Variants in OSBPL6 observed in about 807,000 individuals in gnomAD.
The protein encoded by OSBPL6 is oxysterol-binding protein-related protein 6.
A neutral mutation model predicts 125.8 loss-of-function variants in OSBPL6; 49 were observed. The observed-to-expected ratio is 0.39, with a 90% CI of 0.31 to 0.49. The LOEUF (loss-of-function observed/expected upper bound fraction) is 0.49. OSBPL6 is among the 20% of genes least tolerant of loss of function. The pLI is 0.88. For missense variants in OSBPL6, 986 were observed against 1,135.4 expected, an observed-to-expected ratio of 0.87 and a Z score of 1.89; for synonymous variants, 394 against 391.8, an observed-to-expected ratio of 1.01 and a Z score of -0.07.
At chr2:178,360,809 G>C (rs758084670) in intron 12 of OSBPL6, among the ~76,000 whole-genome samples, 17 of 152,276 alleles carry the variant, frequency 1.1e-4, no homozygotes, top group Middle Eastern at 6.8e-3. Flanking sequence ...TAAATCAATA[G>C]ATCGTGAATC....
intron 4 of OSBPL6, among the ~76,000 whole-genome samples, chr2:178,325,272 A>G (rs1460708116): frequency 1.3e-5 from 2 of 152,348 alleles, no homozygotes; most frequent in East Asian, 3.9e-4. Flanking sequence ...GTTAACTTCT[A>G]AATATGTAAA....
rs1575071340 is a variant in OSBPL6, at chr2:178,402,359, A to C, written c.*6800A>C. ...AGTTTACTCTTCAAAGCCAAGAATC[A>C]GTACCCCCACCTCACCTTCCATTCT... On this transcript the variant is annotated 3_prime_UTR_variant, in exon 25 of 25. Transcript: ENST00000190611. 1 of 152,232 alleles carries C rather than the reference A, an allele frequency of 6.6e-6. No homozygotes were observed. Among genetic ancestry groups the C allele is most frequent in the Non-Finnish European group, 1.5e-5 (1 of 68,072 alleles). 9.4% of individuals were successfully genotyped at this position (152,232 alleles called of 1,614,324 possible). A position where few individuals can be genotyped will look rare whatever the true frequency, so the allele number is the denominator to read the frequency against.
At chr2:178,366,717 C>A (rs374556056) in intron 13 of OSBPL6, among the ~76,000 whole-genome samples, 1 of 152,156 alleles carries the variant, frequency 6.6e-6, no homozygotes, top group Non-Finnish European at 1.5e-5. Context: ...ATTTCACATA[C>A]CCAAATAATT....
rs1695873896 is a variant in OSBPL6, at chr2:178,396,846, C to T, written c.*1287C>T. ...GCATACTTCAGGATTTGTTTTTCCTCCACTAATATACAGAGGCTTTTGCAG... is the reference window on the plus strand; with the variant it reads ...GCATACTTCAGGATTTGTTTTTCCTTCACTAATATACAGAGGCTTTTGCAG... On this transcript the variant is annotated 3_prime_UTR_variant, in exon 25 of 25. Coordinates refer to ENST00000190611, the MANE Select transcript of OSBPL6 (RefSeq NM_032523.4). The T allele has an allele frequency of 6.6e-6, 1 of 152,208 alleles. No individual in the cohort carries two copies. The highest frequency in any genetic ancestry group is 2.4e-5 in the African/African-American group (1 of 41,460). 9.4% of individuals were successfully genotyped at this position (152,208 alleles called of 1,614,324 possible). A position where few individuals can be genotyped will look rare whatever the true frequency, so the allele number is the denominator to read the frequency against.
intron 1 of OSBPL6, among the ~76,000 whole-genome samples, chr2:178,273,642 A>G (rs2092414484): frequency 6.6e-6 from 1 of 152,212 alleles, no homozygotes; most frequent in Non-Finnish European, 1.5e-5. Flanking sequence ...TTATGCCATT[A>G]ATAAACAGTA....
intron 1 of OSBPL6, among the ~76,000 whole-genome samples, chr2:178,243,034 A>T (rs1166096964): frequency 3.9e-5 from 6 of 152,010 alleles, no homozygotes; most frequent in Non-Finnish European, 8.8e-5. Flanking sequence ...TCATTTATAA[A>T]ATATAAACAA....
At chr2:178,226,837 A>T (rs1198619399) in intron 1 of OSBPL6, among the ~76,000 whole-genome samples, 1 of 152,224 alleles carries the variant, frequency 6.6e-6, no homozygotes, top group Non-Finnish European at 1.5e-5. Flanking sequence ...AGATTTCTTA[A>T]GGCACAAAAA....
At chr2:178,276,403 C>T (rs1362526874) in intron 1 of OSBPL6, among the ~76,000 whole-genome samples, 111 of 140,008 alleles carry the variant, frequency 7.9e-4, no homozygotes, top group African/African-American at 2.8e-3. Flanking sequence ...GACGGAGTCT[C>T]GCTCTGTCGC....
At chr2:178,271,680 G>A (rs191899155) in intron 1 of OSBPL6, among the ~76,000 whole-genome samples, 74 of 152,144 alleles carry the variant, frequency 4.9e-4, no homozygotes, top group African/African-American at 1.7e-3. Flanking sequence ...TTTTGACCTC[G>A]ATTTGCATGT....
intron 2 of OSBPL6, among the ~76,000 whole-genome samples, chr2:178,298,710 T>TTG (rs966821609): frequency 1.3e-5 from 2 of 151,440 alleles, no homozygotes; most frequent in African/African-American, 4.9e-5. Context: ...TTTTTTGTTT[T>TTG]TTTTTTTTTG....
At chr2:178,311,376 C>A (rs1687255574) in intron 3 of OSBPL6, among the ~76,000 whole-genome samples, 1 of 152,184 alleles carries the variant, frequency 6.6e-6, no homozygotes, top group Non-Finnish European at 1.5e-5. Context: ...CTCTCCTTGT[C>A]CACTTAGCTG....
At chr2:178,294,280 A>G (rs1407031765) in intron 2 of OSBPL6, among the ~76,000 whole-genome samples, 3 of 152,138 alleles carry the variant, frequency 2.0e-5, no homozygotes, top group Non-Finnish European at 2.9e-5. Context: ...AACCTAATTG[A>G]AAAAGGAGGT....
chr2:178,289,014 TTC>T (rs1491075036), intron 2 of OSBPL6, among the ~76,000 whole-genome samples: 8 of 145,716 alleles, frequency 5.5e-5, no homozygotes, highest in Non-Finnish European at 1.1e-4. Flanking sequence ...TTTCTTTTTC[TTC>T]TTTTTTTTTT....
chr2:178,269,033 A>G (rs1256489390), intron 1 of OSBPL6, among the ~76,000 whole-genome samples: 3 of 152,230 alleles, frequency 2.0e-5, no homozygotes, highest in Non-Finnish European at 4.4e-5. Context: ...GGATTGGTCC[A>G]TATTGCTTTG....
chr2:178,225,572 T>G (rs569923000), intron 1 of OSBPL6, among the ~76,000 whole-genome samples: 1 of 152,254 alleles, frequency 6.6e-6, no homozygotes, highest in Non-Finnish European at 1.5e-5. Context: ...GCTGGTGCAT[T>G]AGTTTGTTTC....
rs370186798 is a variant in OSBPL6 at position 178,232,854 on chromosome 2, G to A, written c.-351+38180G>A. Among the ~76,000 whole-genome samples the A allele has an allele frequency of 6.0e-4, 91 of 152,236 alleles. 2 individuals are homozygous for A. In the South Asian group the frequency reaches 0.011, roughly 18 times the overall value. On this transcript the variant is annotated intron_variant, in intron 1 of 24. Coordinates refer to ENST00000190611, the MANE Select transcript of OSBPL6 (RefSeq NM_032523.4). ...TACCTTTCCATTCTGTGTAGTGGGGGTAGGACCTGTTACTGGGCCTCAGAT... is the reference window on the plus strand; with the variant it reads ...TACCTTTCCATTCTGTGTAGTGGGGATAGGACCTGTTACTGGGCCTCAGAT...
chr2:178,336,009 C>T (rs985740883), intron 8 of OSBPL6, among the ~76,000 whole-genome samples: 1 of 152,110 alleles, frequency 6.6e-6, no homozygotes, highest in East Asian at 1.9e-4. Flanking sequence ...ATTTACTCAG[C>T]GATTAAAAAT....
At position 178,361,685 on chromosome 2, in the gene OSBPL6, A is replaced by G. The variant is rs1692374213; in HGVS notation, c.1157A>G (p.His386Arg). The change falls in exon 13 of 25, where the codon CAT becomes CGT. Residue 386 changes from histidine to arginine, a missense_variant. His to Arg is a conservative substitution (Grantham distance 29). Coordinates refer to ENST00000190611, the MANE Select transcript of OSBPL6 (RefSeq NM_032523.4). ...TCTCACTTTTCTCCCCACCCAGTGC[A>G]TTCTCTTTTGAAGTCTGCATTTAAT... is the stretch of plus-strand genomic sequence containing the variant. ...EEFCLIAQKV[H>R]SLLKSAFNSI... The G allele has an allele frequency of 2.5e-6, 4 of 1,613,738 alleles. No individual in the cohort carries two copies. Among genetic ancestry groups the G allele is most frequent in the Admixed American group, 1.7e-5 (1 of 59,966 alleles).
intron 2 of OSBPL6, among the ~76,000 whole-genome samples, chr2:178,294,020 G>T (rs766000283): frequency 6.6e-5 from 10 of 151,966 alleles, no homozygotes; most frequent in Non-Finnish European, 1.5e-4. Context: ...AAAATCTTTA[G>T]GATCTAGGAC....
Sources: gnomAD v4.1 joint callset for allele counts (sites outside exome capture counted in the v4.1 genomes callset) on GRCh38, gnomAD v4.1.1 for gene constraint, MANE v1.5 for transcripts, NCBI Gene and HGNC (gene_info 2026-07-23, HGNC 2026-07-21) for gene names.